Variants in FOCAD observed in about 807,000 individuals in gnomAD.
The protein encoded by FOCAD is focadhesin.
Under a neutral mutation model 225.6 loss-of-function variants are expected in FOCAD, and 198 were observed. The ratio of observed to expected loss-of-function variants is 0.88; its 90% CI spans 0.78 to 0.99. FOCAD has a LOEUF of 0.99. Among genes scored for constraint, FOCAD ranks in the 50% least tolerant of loss-of-function variants. The pLI, the probability that FOCAD is intolerant of heterozygous loss-of-function variation, is 0.00. For synonymous variants in FOCAD, 897 were observed against 755.0 expected (o/e 1.19, Z -3.08); for missense variants, 2,713 against 2,123.6 (o/e 1.28, Z -5.46).
At chr9:20,723,764 G>T (rs1380703784) in intron 4 of FOCAD, among the ~76,000 whole-genome samples, 2 of 152,132 alleles carry the variant, frequency 1.3e-5, no homozygotes, top group African/African-American at 4.8e-5. Flanking sequence ...ATATATCTTG[G>T]AGCTTGTATT....
At chr9:20,916,221 T>C (rs937932468) in intron 23 of FOCAD, among the ~76,000 whole-genome samples, 3 of 152,176 alleles carry the variant, frequency 2.0e-5, no homozygotes, top group Non-Finnish European at 2.9e-5. Flanking sequence ...AAAAGTAAAT[T>C]TGACAGCAAG....
At chr9:20,907,446 C>T (rs1422688938) in intron 22 of FOCAD, among the ~76,000 whole-genome samples, 2 of 151,898 alleles carry the variant, frequency 1.3e-5, no homozygotes, top group Non-Finnish European at 2.9e-5. Context: ...TCCATGTGTC[C>T]CATCCAGAAC....
intron 28 of FOCAD, among the ~76,000 whole-genome samples, chr9:20,939,550 T>C (rs949788727): frequency 1.3e-5 from 2 of 152,190 alleles, no homozygotes. Context: ...GGGAGTACCA[T>C]GGGGATGAAT....
chr9:20,708,766 AG>A, intron 1 of FOCAD, among the ~76,000 whole-genome samples: 1 of 151,620 alleles, frequency 6.6e-6, no homozygotes, highest in African/African-American at 2.4e-5. Flanking sequence ...ACAGAGTGAG[AG>A]ACCCTGTCTC....
At chr9:20,714,751 A>G (rs373886932) in intron 1 of FOCAD, among the ~76,000 whole-genome samples, 27 of 149,722 alleles carry the variant, frequency 1.8e-4, no homozygotes, top group African/African-American at 6.4e-4. Flanking sequence ...AGTAGGAATG[A>G]TAAGTGAGAT....
intron 15 of FOCAD, among the ~76,000 whole-genome samples, chr9:20,860,633 C>T (rs545338501): frequency 7.2e-5 from 11 of 152,194 alleles, no homozygotes; most frequent in South Asian, 4.1e-4. Flanking sequence ...TGGTTTCAAG[C>T]GATTTTTGTG....
chr9:20,945,728 A>G (rs970757426), intron 29 of FOCAD, among the ~76,000 whole-genome samples: 1 of 152,192 alleles, frequency 6.6e-6, no homozygotes, highest in Non-Finnish European at 1.5e-5. Flanking sequence ...TAACTGATGC[A>G]TCTGTAATGT....
At position 20,983,369 on chromosome 9, in the gene FOCAD, C is replaced by T. The variant is rs140624398; in HGVS notation, c.4728+923C>T. Among the ~76,000 whole-genome samples, 335 of 151,998 alleles carry T rather than the reference C, an allele frequency of 2.2e-3. 3 individuals carry two copies. The East Asian group carries it at 0.029, about 13-fold the overall frequency. ...CGGGTGGATCATGTGGTCAAGAGAT[C>T]GAGACTATTCTGGCCAACATGGTGA... On this transcript the variant is annotated intron_variant, in intron 39 of 43. Coordinates refer to ENST00000338382, the MANE Select transcript of FOCAD (RefSeq NM_001375567.1).
chr9:20,765,299 A>G (rs1487218484), intron 7 of FOCAD, among the ~76,000 whole-genome samples: 1 of 152,210 alleles, frequency 6.6e-6, no homozygotes, highest in Admixed American at 6.5e-5. Flanking sequence ...ATAAATCGAC[A>G]TAGTCCATTC....
chr9:20,850,776 T>C (rs559268491), intron 15 of FOCAD, among the ~76,000 whole-genome samples: 17 of 150,672 alleles, frequency 1.1e-4, no homozygotes, highest in Non-Finnish European at 1.9e-4. Context: ...TCTTTAATAT[T>C]ATTTCCTCCA....
At chr9:20,661,798 C>T (rs1821734992) in intron 2 of FOCAD, among the ~76,000 whole-genome samples, 1 of 152,168 alleles carries the variant, frequency 6.6e-6, no homozygotes, top group African/African-American at 2.4e-5. Context: ...CTACTTCTGT[C>T]ACTTTATCCT....
intron 15 of FOCAD, among the ~76,000 whole-genome samples, chr9:20,828,215 C>G: frequency 6.6e-6 from 1 of 151,420 alleles, no homozygotes; most frequent in East Asian, 1.9e-4. Flanking sequence ...AAAAAAGTAA[C>G]TATGTAAGAT....
At chr9:20,796,774 A>T (rs1462285105) in intron 11 of FOCAD, among the ~76,000 whole-genome samples, 5 of 151,732 alleles carry the variant, frequency 3.3e-5, no homozygotes. Context: ...TTGCCTGTTC[A>T]CTCTGATGGT....
At chr9:20,799,747 A>C (rs1289533452) in intron 11 of FOCAD, among the ~76,000 whole-genome samples, 4 of 152,066 alleles carry the variant, frequency 2.6e-5, no homozygotes, top group Non-Finnish European at 5.9e-5. Flanking sequence ...TTGTCTGTGC[A>C]TGTGAGATGG....
chr9:20,978,585 A>G, intron 37 of FOCAD, 131 bp downstream of exon 37: 1 of 547,014 alleles, frequency 1.8e-6, no homozygotes, highest in Non-Finnish European at 3.1e-6. Flanking sequence ...CGAGGGTTTG[A>G]TAGTAGCTGG....
intron 1 of FOCAD, among the ~76,000 whole-genome samples, chr9:20,691,936 G>C (rs1224920481): frequency 6.6e-6 from 1 of 151,902 alleles, no homozygotes; most frequent in African/African-American, 2.4e-5. Context: ...ACCACACCAG[G>C]CTAATTTTTT....
chr9:20,684,123 C>T (rs1822506615), upstream of FOCAD: 1 of 152,318 alleles, frequency 6.6e-6, no homozygotes, highest in Non-Finnish European at 1.5e-5. Context: ...GCCTTAGACG[C>T]GCGTGCGCGC....
At chr9:20,765,208 C>A in intron 7 of FOCAD, 135 bp downstream of exon 7, 1 of 666,522 alleles carries the variant, frequency 1.5e-6, no homozygotes, top group Non-Finnish European at 2.4e-6. Flanking sequence ...TGCTTACAAT[C>A]TTTTGGGGAA....
At chr9:20,717,945 T>C in intron 3 of FOCAD, 77 bp downstream of exon 3, 1 of 1,104,798 alleles carries the variant, frequency 9.1e-7, no homozygotes, top group Non-Finnish European at 1.4e-6. Flanking sequence ...ACCTGTCTTG[T>C]TTCCCTGATA....
Sources: gnomAD v4.1 joint callset for allele counts (sites outside exome capture counted in the v4.1 genomes callset) on GRCh38, gnomAD v4.1.1 for gene constraint, MANE v1.5 for transcripts, NCBI Gene and HGNC (gene_info 2026-07-23, HGNC 2026-07-21) for gene names.